NPFFR2: variants seen among roughly 807,000 people sequenced by gnomAD.
The protein encoded by NPFFR2 is neuropeptide FF receptor 2, also known as G-protein coupled receptor 74.
In NPFFR2, 15 loss-of-function variants were observed where a neutral mutation model predicts 13.1. The ratio of observed to expected loss-of-function variants is 1.15; its 90% confidence interval spans 0.77 to 1.76. NPFFR2 has a LOEUF of 1.76. NPFFR2 is among the 40% of genes most tolerant of loss of function. The pLI, the probability that NPFFR2 is intolerant of heterozygous loss-of-function variation, is 0.00. For missense variants in NPFFR2, 572 were observed against 503.5 expected (o/e 1.14, Z -1.30); for synonymous variants, 190 against 175.7 (o/e 1.08, Z -0.65).
chr4:72,095,906 C>T (rs1349878756), intron 1 of NPFFR2, among the ~76,000 whole-genome samples: 1 of 152,150 alleles, frequency 6.6e-6, no homozygotes, highest in African/African-American at 2.4e-5. Context: ...ATGGGGCTCT[C>T]CTTATTTGTT....
At position 72,085,987 on chromosome 4, in the gene NPFFR2, A is replaced by G. The variant is rs554845436; in HGVS notation, c.-7-42598A>G. Among the ~76,000 whole-genome samples, 17 of 152,196 alleles carry G rather than the reference A, an allele frequency of 1.1e-4. No homozygotes were observed. The South Asian group carries it at 1.9e-3, about 17-fold the overall frequency. On this transcript the variant is annotated intron_variant, in intron 1 of 3. Coordinates refer to ENST00000308744, the MANE Select transcript of NPFFR2 (RefSeq NM_004885.3). ...GCAGGTGCTTTGTCTGATTTGCTTGATACATACCAAGAAGATGCTCAATAA... is the reference window on the plus strand; with the variant it reads ...GCAGGTGCTTTGTCTGATTTGCTTGGTACATACCAAGAAGATGCTCAATAA...
intron 1 of NPFFR2, among the ~76,000 whole-genome samples, chr4:72,040,120 G>T (rs757437814): frequency 6.6e-6 from 1 of 151,866 alleles, no homozygotes; most frequent in Admixed American, 6.6e-5. Context: ...CATATTGTCG[G>T]CTGCCTTTGT....
At chr4:72,139,905 C>T (rs150787180) in intron 3 of NPFFR2, among the ~76,000 whole-genome samples, 5,206 of 152,116 alleles carry the variant, frequency 0.034, 291 homozygotes, top group African/African-American at 0.12. Context: ...AATGTTCTTC[C>T]GTTTGTTTGT....
At chr4:72,090,047 C>A (rs557379507) in intron 1 of NPFFR2, among the ~76,000 whole-genome samples, 1 of 152,182 alleles carries the variant, frequency 6.6e-6, no homozygotes, top group Non-Finnish European at 1.5e-5. Context: ...ATGTGGCTTG[C>A]CAATTATCCC....
intron 1 of NPFFR2, among the ~76,000 whole-genome samples, chr4:72,092,060 AT>A (rs1237476199): frequency 6.6e-6 from 1 of 152,066 alleles, no homozygotes; most frequent in Non-Finnish European, 1.5e-5. Flanking sequence ...AATTCAAATA[AT>A]TTTTAAATTT....
chr4:72,055,339 A>T (rs1272301788), intron 1 of NPFFR2, among the ~76,000 whole-genome samples: 1 of 151,944 alleles, frequency 6.6e-6, no homozygotes, highest in East Asian at 1.9e-4. Context: ...TGTGAACATG[A>T]TCTGTAATGC....
intron 1 of NPFFR2, among the ~76,000 whole-genome samples, chr4:72,044,295 A>G (rs1421979619): frequency 6.6e-6 from 1 of 152,194 alleles, no homozygotes; most frequent in Non-Finnish European, 1.5e-5. Context: ...CAAGAAATGT[A>G]TTCCCTGGGT....
Position 72,038,398 on chromosome 4 carries a change from A to C in NPFFR2, c.-8+6198A>C, listed in dbSNP as rs113761479. 4.3e-3 allele frequency among the ~76,000 whole-genome samples: 651 copies of C among 152,332 alleles called. 3 individuals carry two copies. The highest frequency in any genetic ancestry group is 0.015 in the African/African-American group (626 of 41,560). On this transcript the variant is annotated intron_variant, in intron 1 of 3. Transcript: ENST00000308744. ...GGCCTTAGTGCCTAGAACAGAGTCT[A>C]GTGCATAGTAGATACTCAGAAAATA...
chr4:72,052,946 T>G (rs1455019602), intron 1 of NPFFR2, among the ~76,000 whole-genome samples: 2 of 151,888 alleles, frequency 1.3e-5, no homozygotes, highest in Non-Finnish European at 1.5e-5. Context: ...AATCTACCTA[T>G]GACCTAGAAC....
At chr4:72,136,037 G>A (rs765096876) in intron 2 of NPFFR2, among the ~76,000 whole-genome samples, 77 of 152,180 alleles carry the variant, frequency 5.1e-4, no homozygotes, top group Non-Finnish European at 8.8e-4. Context: ...ATTCTTGACT[G>A]TAGTCACTCT....
intron 3 of NPFFR2, among the ~76,000 whole-genome samples, chr4:72,145,658 G>A (rs1284465075): frequency 1.3e-5 from 2 of 152,118 alleles, no homozygotes; most frequent in East Asian, 3.9e-4. Flanking sequence ...GAGTTATAAA[G>A]AATGACAACA....
intron 1 of NPFFR2, among the ~76,000 whole-genome samples, chr4:72,043,256 G>A (rs981830150): frequency 1.1e-5 from 1 of 89,964 alleles, no homozygotes; most frequent in Non-Finnish European, 2.6e-5. Context: ...TGCTGCAGGG[G>A]CTGATCGCTT....
chr4:72,070,080 T>C (rs1720199787), intron 1 of NPFFR2, among the ~76,000 whole-genome samples: 1 of 152,192 alleles, frequency 6.6e-6, no homozygotes, highest in Non-Finnish European at 1.5e-5. Context: ...TATAGCAATT[T>C]AGTAATTTAC....
chr4:72,086,844 A>G (rs1487141258), intron 1 of NPFFR2, among the ~76,000 whole-genome samples: 1 of 152,048 alleles, frequency 6.6e-6, no homozygotes, highest in African/African-American at 2.4e-5. Flanking sequence ...AGATGACACC[A>G]TGTTTAATAA....
intron 1 of NPFFR2, among the ~76,000 whole-genome samples, chr4:72,048,035 C>T (rs1055494217): frequency 2.0e-5 from 3 of 152,090 alleles, no homozygotes; most frequent in Admixed American, 2.0e-4. Context: ...TATTACAGTT[C>T]ATATCATATT....
intron 3 of NPFFR2, 121 bp downstream of exon 3, chr4:72,138,260 C>G: frequency 1.5e-6 from 1 of 658,472 alleles, no homozygotes; most frequent in Middle Eastern, 2.5e-4. Flanking sequence ...CAATATCTAC[C>G]TCTTTTTTTA....
intron 1 of NPFFR2, among the ~76,000 whole-genome samples, chr4:72,101,317 CA>C (rs1721241477): frequency 6.6e-6 from 1 of 151,846 alleles, no homozygotes; most frequent in African/African-American, 2.4e-5. Flanking sequence ...TCAAAATAAA[CA>C]TATCGATATT....
At chr4:72,051,384 C>T (rs1439257148) in intron 1 of NPFFR2, among the ~76,000 whole-genome samples, 1 of 152,084 alleles carries the variant, frequency 6.6e-6, no homozygotes, top group Non-Finnish European at 1.5e-5. Flanking sequence ...CGACCTGCTC[C>T]TGAATGACTA....
At chr4:72,103,832 C>A (rs900288424) in intron 1 of NPFFR2, among the ~76,000 whole-genome samples, 7 of 151,994 alleles carry the variant, frequency 4.6e-5, no homozygotes, top group African/African-American at 1.4e-4. Context: ...TTAAGAAATA[C>A]ATCTCGTTTT....
Sources: allele counts gnomAD v4.1 joint callset (sites outside exome capture counted in the v4.1 genomes callset), GRCh38; gene constraint gnomAD v4.1.1; transcripts MANE v1.5; gene names NCBI Gene and HGNC (gene_info 2026-07-23, HGNC 2026-07-21).